The following ZEB1 variants were observed in gnomAD, a reference collection of about 807,000 sequenced individuals.
ZEB1 encodes zinc finger E-box binding homeobox 1, also known as zinc finger E-box-binding homeobox 1.
A neutral mutation model predicts 84.9 loss-of-function variants in ZEB1; 21 were observed. That is an observed-to-expected ratio of 0.25 (90% CI 0.18 to 0.36). The LOEUF (loss-of-function observed/expected upper bound fraction) is 0.36. Ranked by LOEUF, ZEB1 falls within the 10% of genes least tolerant of loss-of-function variation. ZEB1 has a pLI of 1.00. For missense variants in ZEB1, 1,104 were observed against 1,330.2 expected (o/e 0.83, Z 2.65); for synonymous variants, 420 against 471.1 (o/e 0.89, Z 1.41).
At chr10:31,500,855 C>G (rs2068021117) in intron 3 of ZEB1, among the ~76,000 whole-genome samples, 1 of 152,140 alleles carries the variant, frequency 6.6e-6, no homozygotes, top group African/African-American at 2.4e-5. Context: ...CTTCGCTTAC[C>G]TCTGGATCCA....
chr10:31,459,028 T>C (rs2061541757), intron 1 of ZEB1, among the ~76,000 whole-genome samples: 1 of 152,138 alleles, frequency 6.6e-6, no homozygotes, highest in South Asian at 2.1e-4. Flanking sequence ...GCCTTAAATA[T>C]GCCTGCAACA....
intron 1 of ZEB1, among the ~76,000 whole-genome samples, chr10:31,409,349 G>C (rs1208910286): frequency 1.3e-5 from 2 of 152,044 alleles, no homozygotes; most frequent in African/African-American, 4.8e-5. Flanking sequence ...GATTCCTCAG[G>C]GATCTAGAAC....
At chr10:31,416,239 TTTAG>T (rs2055191675) in intron 1 of ZEB1, among the ~76,000 whole-genome samples, 1 of 152,124 alleles carries the variant, frequency 6.6e-6, no homozygotes, top group African/African-American at 2.4e-5. Context: ...GGAAAGACGA[TTTAG>T]TTCTAAATAT....
chr10:31,441,494 C>T (rs1287932616), intron 1 of ZEB1, among the ~76,000 whole-genome samples: 35 of 152,092 alleles, frequency 2.3e-4, no homozygotes, highest in South Asian at 1.5e-3. Context: ...GACATAGGCA[C>T]GGGCAAGGAC....
At position 31,326,674 on chromosome 10, in the gene ZEB1, A is replaced by G. The variant is rs115670998; in HGVS notation, c.58+7382A>G. On this transcript the variant is annotated intron_variant, in intron 1 of 8. Coordinates refer to ENST00000424869, the MANE Select transcript of ZEB1 (RefSeq NM_001174096.2). ...GGTATTCTTTTCATTAGGTCATTTG[A>G]GCATATTTATCTAAGACGGTAACAA... Among the ~76,000 whole-genome samples the G allele has an allele frequency of 2.6e-3, 402 of 152,284 alleles. 2 individuals are homozygous for G. The highest frequency in any genetic ancestry group is 9.3e-3 in the African/African-American group (386 of 41,548).
chr10:31,428,172 G>A (rs1036853021), intron 1 of ZEB1, among the ~76,000 whole-genome samples: 4 of 151,976 alleles, frequency 2.6e-5, no homozygotes, highest in African/African-American at 7.3e-5. Flanking sequence ...TTGTTAACTC[G>A]AGATCTATCT....
intron 1 of ZEB1, among the ~76,000 whole-genome samples, chr10:31,412,845 G>T (rs947505573): frequency 3.3e-5 from 5 of 152,154 alleles, no homozygotes; most frequent in African/African-American, 1.2e-4. Flanking sequence ...AGGGAGTATT[G>T]TTATTCATCC....
At chr10:31,452,481 T>TA (rs1375263148) in intron 1 of ZEB1, among the ~76,000 whole-genome samples, 1 of 152,142 alleles carries the variant, frequency 6.6e-6, no homozygotes, top group Non-Finnish European at 1.5e-5. Context: ...TCCTATGAAT[T>TA]ACCACATGAC....
chr10:31,391,965 T>C (rs1231704129), intron 1 of ZEB1, among the ~76,000 whole-genome samples: 1 of 152,206 alleles, frequency 6.6e-6, no homozygotes, highest in South Asian at 2.1e-4. Flanking sequence ...ACTGATAAAC[T>C]GAAGTTGAAA....
intron 1 of ZEB1, among the ~76,000 whole-genome samples, chr10:31,437,836 A>G (rs1446881264): frequency 6.6e-6 from 1 of 152,220 alleles, no homozygotes; most frequent in Non-Finnish European, 1.5e-5. Flanking sequence ...ATCTTGGAGA[A>G]CCAAATAAAA....
intron 1 of ZEB1, among the ~76,000 whole-genome samples, chr10:31,397,572 T>G (rs1192018104): frequency 6.6e-6 from 1 of 152,206 alleles, no homozygotes; most frequent in Non-Finnish European, 1.5e-5. Flanking sequence ...TTGACTTACC[T>G]GGATCATATT....
At chr10:31,356,726 C>A (rs1372174679) in intron 1 of ZEB1, among the ~76,000 whole-genome samples, 1 of 152,060 alleles carries the variant, frequency 6.6e-6, no homozygotes, top group Admixed American at 6.6e-5. Flanking sequence ...TAGTCAACTA[C>A]CTATACGGGC....
chr10:31,321,421 T>C (rs1412656189), intron 1 of ZEB1: 19 of 1,610,428 alleles, frequency 1.2e-5, no homozygotes, highest in Non-Finnish European at 1.5e-5. Flanking sequence ...TGACTTGTTA[T>C]AGCAAGGAGT....
At chr10:31,327,002 C>T (rs1469814705) in intron 1 of ZEB1, among the ~76,000 whole-genome samples, 1 of 151,556 alleles carries the variant, frequency 6.6e-6, no homozygotes, top group African/African-American at 2.4e-5. Context: ...TGTAGCTAGC[C>T]TTGTAAAATT....
chr10:31,394,113 A>G (rs1564701942), intron 1 of ZEB1, among the ~76,000 whole-genome samples: 1 of 152,194 alleles, frequency 6.6e-6, no homozygotes, highest in Non-Finnish European at 1.5e-5. Flanking sequence ...ACTACAATCT[A>G]TTTCAGGTTG....
intron 1 of ZEB1, among the ~76,000 whole-genome samples, chr10:31,386,594 G>T (rs538770249): frequency 6.6e-6 from 1 of 152,100 alleles, no homozygotes; most frequent in African/African-American, 2.4e-5. Context: ...TTTCCTCATG[G>T]AGTTTTACAT....
At position 31,503,617 on chromosome 10, in the gene ZEB1, A is replaced by C. The variant is rs149001781; in HGVS notation, c.484+1108A>C. 4.6e-5 allele frequency among the ~76,000 whole-genome samples: 7 copies of C among 151,914 alleles called. No individual in the cohort carries two copies. The East Asian group carries it at 1.4e-3, about 29-fold the overall frequency. On this transcript the variant is annotated intron_variant, in intron 4 of 8. Coordinates refer to ENST00000424869, the MANE Select transcript of ZEB1 (RefSeq NM_001174096.2). The stretch of plus-strand genomic sequence containing the variant: ...AATTGCTGGATCATATAATAGTTCT[A>C]TTTTTAGTTTTTTTTGAGAAATCTC...
At chr10:31,436,251 C>A (rs577543946) in intron 1 of ZEB1, among the ~76,000 whole-genome samples, 19 of 152,090 alleles carry the variant, frequency 1.2e-4, no homozygotes, top group Non-Finnish European at 2.5e-4. Context: ...TATGTATGTC[C>A]TTCATTTTCA....
At chr10:31,435,355 A>G (rs909521326) in intron 1 of ZEB1, among the ~76,000 whole-genome samples, 1 of 152,232 alleles carries the variant, frequency 6.6e-6, no homozygotes, top group African/African-American at 2.4e-5. Context: ...TGAAATAATA[A>G]ATGTATGCTA....
Sources: allele counts gnomAD v4.1 joint callset (sites outside exome capture counted in the v4.1 genomes callset), GRCh38; gene constraint gnomAD v4.1.1; transcripts MANE v1.5; gene names NCBI Gene and HGNC (gene_info 2026-07-23, HGNC 2026-07-21).